The following AOPEP variants were observed in gnomAD, a reference collection of about 807,000 sequenced individuals.
AOPEP encodes aminopeptidase O.
In AOPEP, 77 loss-of-function variants were observed where a neutral mutation model predicts 98.1. The observed-to-expected ratio is 0.78, with a 90% CI of 0.65 to 0.95. AOPEP has a LOEUF of 0.95. Ranked by LOEUF, AOPEP falls within the 40% of genes least tolerant of loss-of-function variation. The pLI is 0.00. For missense variants in AOPEP, 1,024 were observed against 1,024.7 expected, an observed-to-expected ratio of 1.00 and a Z score of 0.01; for synonymous variants, 346 against 365.3, an observed-to-expected ratio of 0.95 and a Z score of 0.60.
chr9:94,851,145 C>T (rs375796316), intron 5 of AOPEP, among the ~76,000 whole-genome samples: 1 of 152,196 alleles, frequency 6.6e-6, no homozygotes, highest in East Asian at 1.9e-4. Context: ...AAAGACCCAT[C>T]GTCGCTTAGG....
chr9:94,865,104 C>A (rs915738665), intron 5 of AOPEP, among the ~76,000 whole-genome samples: 1 of 152,076 alleles, frequency 6.6e-6, no homozygotes, highest in Non-Finnish European at 1.5e-5. Context: ...TGATGAAGAC[C>A]AGAATCTGGA....
intron 1 of AOPEP, among the ~76,000 whole-genome samples, chr9:94,750,756 CTT>C (rs536762614): frequency 1.1e-4 from 14 of 130,878 alleles, no homozygotes; most frequent in African/African-American, 8.2e-5. Context: ...TCTTTTCTTT[CTT>C]TTTTTTTTTT....
At chr9:94,999,420 T>A (rs2061426180) in intron 11 of AOPEP, among the ~76,000 whole-genome samples, 1 of 152,176 alleles carries the variant, frequency 6.6e-6, no homozygotes, top group African/African-American at 2.4e-5. Flanking sequence ...ATTGCAATAT[T>A]CAAGAAGTAA....
chr9:94,989,323 T>C lies in AOPEP; in HGVS notation c.1977+9896T>C, dbSNP rs533228046. Among the ~76,000 whole-genome samples the C allele has an allele frequency of 5.9e-5, 9 of 152,156 alleles. No individual in the cohort carries two copies. In the South Asian group the frequency reaches 1.7e-3, roughly 28 times the overall value. On this transcript the variant is annotated intron_variant, in intron 11 of 16. Transcript: ENST00000375315. ...TTCACTGTGTTAGCGAGGATGGTCT[T>C]GATCTCCTGACCTCGAGATCCGCCC...
intron 11 of AOPEP, among the ~76,000 whole-genome samples, chr9:94,992,161 G>A (rs1366125770): frequency 6.6e-6 from 1 of 152,226 alleles, no homozygotes. Context: ...CAGCCAACAA[G>A]TGTCTCACAG....
chr9:95,087,968 C>T (rs2070807794), downstream of AOPEP, among the ~76,000 whole-genome samples: 1 of 152,170 alleles, frequency 6.6e-6, no homozygotes, highest in African/African-American at 2.4e-5. Context: ...ATTAGAAGCT[C>T]TGGACTGGGA....
chr9:94,947,822 C>A (rs1325633065), intron 7 of AOPEP, among the ~76,000 whole-genome samples: 1 of 152,144 alleles, frequency 6.6e-6, no homozygotes, highest in Non-Finnish European at 1.5e-5. Flanking sequence ...GAGTAAGCAG[C>A]AGCACTGGGG....
intron 13 of AOPEP, among the ~76,000 whole-genome samples, chr9:95,041,897 C>A (rs1447924906): frequency 6.6e-6 from 1 of 152,180 alleles, no homozygotes; most frequent in Non-Finnish European, 1.5e-5. Context: ...ACTCTTCAAC[C>A]TTCAGAACTG....
intron 5 of AOPEP, among the ~76,000 whole-genome samples, chr9:94,846,389 T>C (rs971171022): frequency 6.6e-6 from 1 of 151,946 alleles, no homozygotes; most frequent in African/African-American, 2.4e-5. Context: ...AAGAAGGCAA[T>C]TGTGATAGAA....
At chr9:95,014,784 C>T (rs977245384) in intron 13 of AOPEP, among the ~76,000 whole-genome samples, 1 of 152,158 alleles carries the variant, frequency 6.6e-6, no homozygotes, top group Non-Finnish European at 1.5e-5. Context: ...TACATGATTT[C>T]AGTTTATATG....
At chr9:95,115,456 G>C in the AOPEP span, among the ~76,000 whole-genome samples, 1 of 152,160 alleles carries the variant, frequency 6.6e-6, no homozygotes, top group South Asian at 2.1e-4. Context: ...TGCTTTCCTA[G>C]GGCTGTGATG....
At chr9:94,890,327 C>A (rs545361506) in intron 5 of AOPEP, among the ~76,000 whole-genome samples, 4 of 152,234 alleles carry the variant, frequency 2.6e-5, no homozygotes, top group African/African-American at 7.2e-5. Context: ...CTCAGCCTTC[C>A]AAGTAGCTGG....
intron 13 of AOPEP, among the ~76,000 whole-genome samples, chr9:95,015,152 A>G (rs1208303926): frequency 6.6e-6 from 1 of 152,212 alleles, no homozygotes; most frequent in African/African-American, 2.4e-5. Flanking sequence ...CACTTTACAC[A>G]TGTAGGCTGG....
At chr9:95,107,339 A>AT in the AOPEP span, 4 of 1,522,322 alleles carry the variant, frequency 2.6e-6, no homozygotes, top group Admixed American at 7.6e-5. Flanking sequence ...GGATTTATTT[A>AT]TTTGCTTTGA....
At chr9:94,886,882 TAC>T (rs2048305306) in intron 5 of AOPEP, among the ~76,000 whole-genome samples, 1 of 152,218 alleles carries the variant, frequency 6.6e-6, no homozygotes, top group Non-Finnish European at 1.5e-5. Context: ...TAGATTAAAA[TAC>T]AGTTATATAT....
the AOPEP span, chr9:95,099,905 G>A: frequency 4.3e-6 from 1 of 233,248 alleles, no homozygotes; most frequent in Non-Finnish European, 8.5e-6. Flanking sequence ...CCTGGCAGGG[G>A]AGGAGGAAGA....
At chr9:95,012,581 A>C (rs973197262) in intron 13 of AOPEP, among the ~76,000 whole-genome samples, 20 of 151,952 alleles carry the variant, frequency 1.3e-4, no homozygotes, top group Non-Finnish European at 7.4e-5. Flanking sequence ...AATAAGGTGC[A>C]TTTTTTTCTG....
intron 14 of AOPEP, among the ~76,000 whole-genome samples, chr9:95,075,869 T>TCAAA (rs374575150): frequency 1.7e-4 from 26 of 152,228 alleles, no homozygotes; most frequent in South Asian, 4.2e-4. Flanking sequence ...ACACCCTGCC[T>TCAAA]CAAACAAACA....
chr9:94,861,553 G>A (rs935852588), intron 5 of AOPEP, among the ~76,000 whole-genome samples: 1 of 152,146 alleles, frequency 6.6e-6, no homozygotes, highest in African/African-American at 2.4e-5. Context: ...AGCCAAGCTG[G>A]CACTCAGGTC....
Sources: gnomAD v4.1 joint callset for allele counts (sites outside exome capture counted in the v4.1 genomes callset) on GRCh38, gnomAD v4.1.1 for gene constraint, MANE v1.5 for transcripts, NCBI Gene and HGNC (gene_info 2026-07-23, HGNC 2026-07-21) for gene names.